PARG: variants seen among roughly 807,000 people sequenced by gnomAD.
PARG encodes mitochondrial poly(ADP-ribose) glycohydrolase.
PARG carries 35 observed loss-of-function variants against 113.0 expected under a neutral mutation model. The observed-to-expected ratio is 0.31, with a 90% confidence interval of 0.24 to 0.41. The LOEUF (loss-of-function observed/expected upper bound fraction) is 0.41. PARG is among the 10% of genes least tolerant of loss of function. The probability of loss-of-function intolerance (pLI) is 1.00; values close to 1 mark genes in which losing one functional copy is unlikely to be tolerated. For synonymous variants in PARG, 330 were observed against 409.9 expected, an observed-to-expected ratio of 0.81 and a Z score of 2.36; for missense variants, 797 against 1,169.4, an observed-to-expected ratio of 0.68 and a Z score of 4.64.
intron 4 of PARG, among the ~76,000 whole-genome samples, chr10:49,929,700 C>T: frequency 6.6e-6 from 1 of 152,046 alleles, no homozygotes; most frequent in East Asian, 1.9e-4. Flanking sequence ...GTGGTGCATG[C>T]CTGTAATCCC....
chr10:49,932,417 A>C (rs1437819729), intron 3 of PARG, 134 bp from the exon 4 acceptor site: 1 of 638,508 alleles, frequency 1.6e-6, no homozygotes, highest in South Asian at 1.9e-5. Flanking sequence ...GTTATGTATT[A>C]TATTTACAAT....
At chr10:49,921,056 G>C (rs1158470409) in intron 6 of PARG, among the ~76,000 whole-genome samples, 2 of 152,062 alleles carry the variant, frequency 1.3e-5, no homozygotes, top group African/African-American at 4.8e-5. Flanking sequence ...ATGGGGTGGA[G>C]AAAGAAGGAC....
intron 7 of PARG, among the ~76,000 whole-genome samples, chr10:49,901,195 C>T (rs1244251421): frequency 2.6e-4 from 39 of 151,102 alleles, no homozygotes; most frequent in African/African-American, 8.7e-4. Flanking sequence ...ACTGCCACCT[C>T]GAACTCTTGG....
Position 49,903,976 on chromosome 10 carries a change from C to A in PARG, c.1737+11941G>T, listed in dbSNP as rs187941869. ...GGGATCAACTGCACACAGGGGTCGA[C>A]TAGGTGACTCTTACAATATACTAGC... On this transcript the variant is annotated intron_variant, in intron 7 of 17. Coordinates refer to ENST00000616448, the MANE Select transcript of PARG (RefSeq NM_003631.5). Among the ~76,000 whole-genome samples, 4 of 152,200 alleles carry A rather than the reference C, an allele frequency of 2.6e-5. No individual in the cohort carries two copies. The East Asian group carries it at 7.7e-4, about 29-fold the overall frequency.
chr10:49,839,046 A>G (rs535300879), intron 15 of PARG, among the ~76,000 whole-genome samples: 17 of 152,322 alleles, frequency 1.1e-4, no homozygotes, highest in African/African-American at 4.1e-4. Flanking sequence ...TTGTCTAAGA[A>G]GTTATTTAGG....
intron 7 of PARG, among the ~76,000 whole-genome samples, chr10:49,902,006 T>G (rs2085966176): frequency 6.6e-6 from 1 of 152,206 alleles, no homozygotes; most frequent in Non-Finnish European, 1.5e-5. Context: ...ACTGAAGAAC[T>G]GAATTTTAAA....
chr10:49,930,020 T>A (rs1734794101), intron 4 of PARG, among the ~76,000 whole-genome samples: 1 of 151,808 alleles, frequency 6.6e-6, no homozygotes. Flanking sequence ...TCCTGATTCA[T>A]CCATCTATAC....
chr10:49,927,565 C>A (rs1327468157), intron 4 of PARG, among the ~76,000 whole-genome samples: 4 of 151,996 alleles, frequency 2.6e-5, no homozygotes, highest in African/African-American at 9.7e-5. Context: ...TACAGAAGAA[C>A]AGCCTAAAAG....
chr10:49,820,074 C>A, intron 17 of PARG, 91 bp downstream of exon 17: 2 of 855,130 alleles, frequency 2.3e-6, no homozygotes, highest in Non-Finnish European at 3.7e-6. Flanking sequence ...TTCTTCGTAC[C>A]CACTGTGATT....
At chr10:49,928,430 G>A (rs554327408) in intron 4 of PARG, among the ~76,000 whole-genome samples, 8 of 152,198 alleles carry the variant, frequency 5.3e-5, no homozygotes, top group African/African-American at 1.9e-4. Context: ...GAACATACAT[G>A]TAATATGCTT....
chr10:49,825,887 T>C (rs1212903713), intron 16 of PARG, among the ~76,000 whole-genome samples: 2 of 152,232 alleles, frequency 1.3e-5, no homozygotes, highest in South Asian at 2.1e-4. Flanking sequence ...GCAGTATCTC[T>C]GAGGTGCTGA....
chr10:49,843,107 G>C (rs1185302297), intron 14 of PARG, among the ~76,000 whole-genome samples: 1 of 152,226 alleles, frequency 6.6e-6, no homozygotes, highest in Non-Finnish European at 1.5e-5. Flanking sequence ...GCACACCGCA[G>C]GTTCTGCCAT....
chr10:49,880,700 T>C (rs1847171498), intron 8 of PARG, among the ~76,000 whole-genome samples: 1 of 152,020 alleles, frequency 6.6e-6, no homozygotes, highest in Admixed American at 6.6e-5. Flanking sequence ...ATAGGAAGTG[T>C]GGGTCTGACA....
chr10:49,820,578 C>T (rs968442316), intron 16 of PARG, among the ~76,000 whole-genome samples: 14 of 151,626 alleles, frequency 9.2e-5, no homozygotes, highest in East Asian at 1.9e-4. Flanking sequence ...AAAATTTAGC[C>T]GGGTGTGGTG....
rs186044442 is a variant in PARG, at chr10:49,899,835, T to C, written c.1738-14540A>G. On this transcript the variant is annotated intron_variant, in intron 7 of 17. Coordinates refer to ENST00000616448, the MANE Select transcript of PARG (RefSeq NM_003631.5). ...TAAACAGCTATTAAGAGTCTTCCTA[T>C]GAATTTTCAAAGTGTTTATGACTCA... Among the ~76,000 whole-genome samples the C allele has an allele frequency of 1.8e-3, 276 of 152,296 alleles. 1 individual carries two copies. Among genetic ancestry groups the C allele is most frequent in the African/African-American group, 6.4e-3 (266 of 41,552 alleles).
In PARG at chr10:49,941,757, G is replaced by A; in HGVS notation, c.-32C>T. 2 of 1,548,084 alleles carry A rather than the reference G, an allele frequency of 1.3e-6. No homozygotes were observed. Among genetic ancestry groups the A allele is most frequent in the Non-Finnish European group, 1.7e-6 (2 of 1,150,562 alleles). ...ACCAGCAGCGCACTGTCCCCGGGCC[G>A]GCCCGGGCGGAGAGCCTCATTCACT... On this transcript the variant is annotated 5_prime_UTR_variant, in exon 1 of 18. Transcript: ENST00000616448.
At chr10:49,896,404 C>A (rs1195659324) in intron 7 of PARG, among the ~76,000 whole-genome samples, 1 of 152,162 alleles carries the variant, frequency 6.6e-6, no homozygotes, top group Admixed American at 6.5e-5. Flanking sequence ...CCTGCCTCAG[C>A]CTCCCAAGTA....
intron 8 of PARG, among the ~76,000 whole-genome samples, chr10:49,883,633 T>G (rs1847317924): frequency 6.6e-6 from 1 of 150,986 alleles, no homozygotes. Flanking sequence ...ACTCCGTCTC[T>G]GCTAAAAATA....
Position 49,922,667 on chromosome 10 carries a change from T to C in PARG, c.1458A>G (p.Val486=), listed in dbSNP as rs1296005463. ...GAACTTCTCCTGCTCGCAAAAGATCTACCTGAAATTGAGGGTAAACAAAAT... is the reference window on the plus strand; with the variant it reads ...GAACTTCTCCTGCTCGCAAAAGATCCACCTGAAATTGAGGGTAAACAAAAT... ...PSANHTVTIR[V]DLLRAGEVPK... Residue 486 remains valine, a splice_region_variant and synonymous_variant, in exon 5 of 18, where the codon GTA becomes GTG. Coordinates refer to ENST00000616448, the MANE Select transcript of PARG (RefSeq NM_003631.5). 3 of 1,556,132 alleles carry C rather than the reference T, an allele frequency of 1.9e-6. No homozygotes were observed. The highest frequency in any genetic ancestry group is 2.6e-6 in the Non-Finnish European group (3 of 1,144,274).
Sources: allele counts gnomAD v4.1 joint callset (sites outside exome capture counted in the v4.1 genomes callset), GRCh38; gene constraint gnomAD v4.1.1; transcripts MANE v1.5; gene names NCBI Gene and HGNC (gene_info 2026-07-23, HGNC 2026-07-21).